The following EPHA5 variants were observed in gnomAD, a reference collection of about 807,000 sequenced individuals.
EPHA5 encodes the protein EPH receptor A5.
Under a neutral mutation model 105.0 loss-of-function variants are expected in EPHA5, and 60 were observed. The observed-to-expected ratio is 0.57, with a 90% CI of 0.46 to 0.71. EPHA5 has a LOEUF of 0.71. Among genes scored for constraint, EPHA5 ranks in the 30% least tolerant of loss-of-function variants. The pLI, the probability that EPHA5 is intolerant of heterozygous loss-of-function variation, is 0.00. For synonymous variants in EPHA5, 513 were observed against 449.1 expected (o/e 1.14, Z -1.80); for missense variants, 1,218 against 1,274.7 (o/e 0.96, Z 0.68).
intron 8 of EPHA5, among the ~76,000 whole-genome samples, chr4:65,370,638 G>A (rs550910035): frequency 1.4e-4 from 21 of 152,130 alleles, no homozygotes; most frequent in African/African-American, 4.8e-4. Context: ...TAAATTACAT[G>A]AAATTTCCTG....
chr4:65,412,183 G>A (rs1187037599), intron 7 of EPHA5, among the ~76,000 whole-genome samples: 1 of 152,096 alleles, frequency 6.6e-6, no homozygotes. Context: ...AGCCAAGATA[G>A]CTCCATTGCA....
At chr4:65,493,529 A>G (rs1406334461) in intron 4 of EPHA5, among the ~76,000 whole-genome samples, 1 of 152,190 alleles carries the variant, frequency 6.6e-6, no homozygotes, top group Non-Finnish European at 1.5e-5. Flanking sequence ...TATGAATGCA[A>G]CTAAAAACAT....
At chr4:65,486,073 A>G (rs980722346) in intron 5 of EPHA5, among the ~76,000 whole-genome samples, 5 of 152,178 alleles carry the variant, frequency 3.3e-5, no homozygotes, top group African/African-American at 1.2e-4. Flanking sequence ...GTCCAGACAG[A>G]CTTTTTGTTT....
intron 3 of EPHA5, among the ~76,000 whole-genome samples, chr4:65,581,006 C>T: frequency 6.6e-6 from 1 of 151,860 alleles, no homozygotes; most frequent in Non-Finnish European, 1.5e-5. Context: ...TTGCCTCTAT[C>T]TTTGGTGTCA....
intron 3 of EPHA5, among the ~76,000 whole-genome samples, chr4:65,588,491 G>T (rs1402690637): frequency 6.6e-6 from 1 of 152,058 alleles, no homozygotes; most frequent in African/African-American, 2.4e-5. Flanking sequence ...CAGTCTGGCT[G>T]GTCTTTCCCT....
At chr4:65,449,188 G>A (rs866886768) in intron 5 of EPHA5, among the ~76,000 whole-genome samples, 14 of 152,014 alleles carry the variant, frequency 9.2e-5, no homozygotes, top group African/African-American at 3.4e-4. Context: ...CTATGACCAG[G>A]CAATTTGTAG....
intron 1 of EPHA5, among the ~76,000 whole-genome samples, chr4:65,662,730 A>G (rs1749658357): frequency 6.6e-6 from 1 of 152,068 alleles, no homozygotes; most frequent in East Asian, 1.9e-4. Context: ...GGCAGGGGTG[A>G]TATTTTTTAA....
chr4:65,600,732 G>A (rs1207044756), intron 3 of EPHA5, among the ~76,000 whole-genome samples: 2 of 152,074 alleles, frequency 1.3e-5, no homozygotes, highest in East Asian at 3.9e-4. Flanking sequence ...ACATCATGAT[G>A]AAAACAAGTT....
At chr4:65,428,190 T>C (rs1386238645) in intron 5 of EPHA5, among the ~76,000 whole-genome samples, 3 of 152,102 alleles carry the variant, frequency 2.0e-5, no homozygotes, top group Admixed American at 6.6e-5. Context: ...TAAATGAGAA[T>C]TGCAGTTATT....
chr4:65,586,780 AC>A (rs1742165017), intron 3 of EPHA5, among the ~76,000 whole-genome samples: 2 of 152,078 alleles, frequency 1.3e-5, no homozygotes, highest in Non-Finnish European at 1.5e-5. Context: ...TAAAATAAAA[AC>A]AACAGTATAT....
intron 3 of EPHA5, among the ~76,000 whole-genome samples, chr4:65,515,508 C>T (rs1166923584): frequency 2.0e-5 from 3 of 152,110 alleles, no homozygotes; most frequent in Non-Finnish European, 4.4e-5. Flanking sequence ...TTTCTCTCAA[C>T]AATATTCTGT....
chr4:65,618,330 G>T (rs1745422914), intron 2 of EPHA5, among the ~76,000 whole-genome samples: 1 of 151,684 alleles, frequency 6.6e-6, no homozygotes, highest in Admixed American at 6.6e-5. Context: ...CATGTAAATG[G>T]TATCAAAAGA....
intron 1 of EPHA5, among the ~76,000 whole-genome samples, chr4:65,663,685 A>T (rs1398583006): frequency 6.6e-6 from 1 of 151,994 alleles, no homozygotes; most frequent in East Asian, 1.9e-4. Context: ...TTACATTTTA[A>T]ACCACTCAAA....
At chr4:65,355,089 A>G (rs1723176004) in intron 11 of EPHA5, among the ~76,000 whole-genome samples, 1 of 151,726 alleles carries the variant, frequency 6.6e-6, no homozygotes. Context: ...TGCACCTTGA[A>G]GAGTGCAGGG....
intron 5 of EPHA5, among the ~76,000 whole-genome samples, chr4:65,475,809 T>C (rs72641069): frequency 0.13 from 19,785 of 152,004 alleles, 1,808 homozygotes; most frequent in East Asian, 0.4. Context: ...GCAACCAGAT[T>C]TGACACGAAA....
intron 2 of EPHA5, among the ~76,000 whole-genome samples, chr4:65,604,689 A>G (rs1744054077): frequency 6.6e-6 from 1 of 151,936 alleles, no homozygotes; most frequent in Non-Finnish European, 1.5e-5. Flanking sequence ...CTTTAACATG[A>G]AGAGAATATC....
chr4:65,645,511 T>TA (rs1273232913), intron 1 of EPHA5, among the ~76,000 whole-genome samples: 1 of 152,138 alleles, frequency 6.6e-6, no homozygotes, highest in East Asian at 1.9e-4. Flanking sequence ...GTAGACCTCT[T>TA]ACTAATATGA....
intron 9 of EPHA5, among the ~76,000 whole-genome samples, 160 bp downstream of exon 9, chr4:65,367,197 C>T (rs1479610126): frequency 6.6e-6 from 1 of 151,116 alleles, no homozygotes; most frequent in African/African-American, 2.4e-5. Flanking sequence ...AATACCCAAG[C>T]CCGTATTCTT....
At chr4:65,622,608 G>C (rs1745799450) in intron 2 of EPHA5, among the ~76,000 whole-genome samples, 1 of 151,836 alleles carries the variant, frequency 6.6e-6, no homozygotes, top group South Asian at 2.1e-4. Flanking sequence ...CTTTATTTAG[G>C]GAATATATGC....
Sources: gnomAD v4.1 joint callset for allele counts (sites outside exome capture counted in the v4.1 genomes callset) on GRCh38, gnomAD v4.1.1 for gene constraint, MANE v1.5 for transcripts, NCBI Gene and HGNC (gene_info 2026-07-23, HGNC 2026-07-21) for gene names.